OPRK1: variants seen among roughly 807,000 people sequenced by gnomAD.
The protein encoded by OPRK1 is kappa-type opioid receptor.
Under a neutral mutation model 24.5 loss-of-function variants are expected in OPRK1, and 15 were observed. That is an observed-to-expected ratio of 0.61 (90% CI 0.41 to 0.94). The LOEUF is 0.94. Among genes scored for constraint, OPRK1 ranks in the 40% least tolerant of loss-of-function variants. The pLI is 0.00. For missense variants in OPRK1, 479 were observed against 507.3 expected, an observed-to-expected ratio of 0.94 and a Z score of 0.54; for synonymous variants, 205 against 198.0, an observed-to-expected ratio of 1.04 and a Z score of -0.30.
intron 3 of OPRK1, among the ~76,000 whole-genome samples, chr8:53,233,647 T>C (rs920216341): frequency 6.6e-6 from 1 of 152,188 alleles, no homozygotes; most frequent in African/African-American, 2.4e-5. Context: ...CATTAATTTC[T>C]ATGAGGAACA....
In OPRK1 at chr8:53,249,677, T is replaced by A. The variant is rs548388667; in HGVS notation, c.257+1104A>T. ...AAAGCAGTATTTTATTATGATAATT[T>A]TCCAAGAGAAACATTTATGCTACCA... On this transcript the variant is annotated intron_variant, in intron 2 of 3. Coordinates refer to ENST00000265572, the MANE Select transcript of OPRK1 (RefSeq NM_000912.5). Among the ~76,000 whole-genome samples the A allele has an allele frequency of 2.2e-4, 33 of 152,340 alleles. No homozygotes were observed. In the South Asian group the frequency reaches 5.6e-3, roughly 26 times the overall value.
chr8:53,232,000 C>T (rs959626170), intron 3 of OPRK1, among the ~76,000 whole-genome samples: 1 of 152,110 alleles, frequency 6.6e-6, no homozygotes, highest in East Asian at 1.9e-4. Context: ...GGGAAACAAA[C>T]GTCCCACTAC....
chr8:53,248,030 G>T (rs970290909), intron 2 of OPRK1, among the ~76,000 whole-genome samples: 1 of 144,046 alleles, frequency 6.9e-6, no homozygotes, highest in Admixed American at 6.8e-5. Context: ...GAATCCTGAG[G>T]GTCACACCCA....
intron 2 of OPRK1, among the ~76,000 whole-genome samples, chr8:53,245,084 A>C (rs1807199475): frequency 6.6e-6 from 1 of 152,234 alleles, no homozygotes. Context: ...TTATGGAATA[A>C]TGACAAGAAA....
At position 53,250,730 on chromosome 8, in the gene OPRK1, C is replaced by T; in HGVS notation, c.257+51G>A. The T allele has an allele frequency of 1.3e-6, 2 of 1,526,098 alleles. 1 individual carries two copies. Among genetic ancestry groups the T allele is most frequent in the South Asian group, 2.6e-5 (2 of 77,984 alleles). 94.5% of individuals were successfully genotyped at this position (1,526,098 alleles called of 1,614,324 possible). The stretch of plus-strand genomic sequence containing the variant: ...GCTGCTCCAGTGGCGGGGCCTGACC[C>T]TCACTCCCTGCCCCGCCCAGCCCCC... On this transcript the variant is annotated intron_variant, in intron 2 of 3. Transcript: ENST00000265572.
Position 53,229,106 on chromosome 8 carries a change from AC to A in OPRK1, c.*190del. 1.6e-6 allele frequency: 1 copy of A among 611,664 alleles called. No homozygotes were observed. The highest frequency in any genetic ancestry group is 2.8e-6 in the Non-Finnish European group (1 of 362,096). The allele number at this position is 611,664 out of a possible 1,614,324, so 37.9% of individuals were successfully genotyped here. ...GAGAAGAGGTGCATGTGTTGCGTGG[AC>A]CTTTTGTCCTTGATGTTTCCACTGA... On this transcript the variant is annotated 3_prime_UTR_variant, in exon 4 of 4. Coordinates refer to ENST00000265572, the MANE Select transcript of OPRK1 (RefSeq NM_000912.5).
intron 2 of OPRK1, among the ~76,000 whole-genome samples, chr8:53,240,536 G>A (rs1807090169): frequency 6.6e-6 from 1 of 152,122 alleles, no homozygotes; most frequent in Non-Finnish European, 1.5e-5. Context: ...CAGGGAAAAT[G>A]CAGTCCTTCT....
At chr8:53,240,705 G>A (rs1807092907) in intron 2 of OPRK1, among the ~76,000 whole-genome samples, 1 of 151,864 alleles carries the variant, frequency 6.6e-6, no homozygotes, top group Non-Finnish European at 1.5e-5. Flanking sequence ...GGAGAGGGCT[G>A]GTCAAAGGAT....
At chr8:53,238,660 G>C (rs1180275088) in intron 2 of OPRK1, 1 of 985,432 alleles carries the variant, frequency 1.0e-6, no homozygotes, top group African/African-American at 1.7e-5. Flanking sequence ...AGAGAAACGA[G>C]GGTTGGCTTC....
rs1806676999 is a variant in OPRK1, at chr8:53,226,094, T to C, written c.*3203A>G. On this transcript the variant is annotated 3_prime_UTR_variant, in exon 4 of 4. Transcript: ENST00000265572. ...CAGGACTAGATGAAACACCTATAAATTGTCTGACAATAGTTATACACGTTT... is the reference window on the plus strand; with the variant it reads ...CAGGACTAGATGAAACACCTATAAACTGTCTGACAATAGTTATACACGTTT... 1 of 152,196 alleles carries C rather than the reference T, an allele frequency of 6.6e-6. No individual in the cohort carries two copies. The highest frequency in any genetic ancestry group is 1.5e-5 in the Non-Finnish European group (1 of 68,042). The allele number at this position is 152,196 out of a possible 1,614,324, so 9.4% of individuals were successfully genotyped here. A position where few individuals can be genotyped will look rare whatever the true frequency, so the allele number is the denominator to read the frequency against.
chr8:53,251,030 G>A lies in OPRK1; in HGVS notation c.8C>T (p.Ser3Phe). Residue 3 changes from serine to phenylalanine, a missense_variant, in exon 2 of 4, where the codon TCC (serine) becomes TTC (phenylalanine). Coordinates refer to ENST00000265572, the MANE Select transcript of OPRK1 (RefSeq NM_000912.5). Reference protein sequence around the residue: MDSPIQIFRGEPG... With the variant: MDFPIQIFRGEPG... Reference sequence around the variant, plus strand: ...CTCCCCGCGGAAGATCTGGATCGGGGAGTCCATGGTGGGGCGATTGCAGCA... The same window carrying A: ...CTCCCCGCGGAAGATCTGGATCGGGAAGTCCATGGTGGGGCGATTGCAGCA... 9 of 1,556,124 alleles carry A rather than the reference G, an allele frequency of 5.8e-6. No individual in the cohort carries two copies. The highest frequency in any genetic ancestry group is 7.8e-6 in the Non-Finnish European group (9 of 1,155,578).
rs79811234 is a variant in OPRK1, at chr8:53,249,480, G to C, written c.257+1301C>G. Reference sequence around the variant, plus strand: ...TACTCATCATGGATAGAATTCCTGCGAAATGCAATAGGCAATTATGAAAAC... The same window carrying C: ...TACTCATCATGGATAGAATTCCTGCCAAATGCAATAGGCAATTATGAAAAC... On this transcript the variant is annotated intron_variant, in intron 2 of 3. Transcript: ENST00000265572. Among the ~76,000 whole-genome samples the C allele has an allele frequency of 8.1e-3, 1,229 of 152,074 alleles. 25 individuals carry two copies. The highest frequency in any genetic ancestry group is 0.053 in the East Asian group (273 of 5,178).
chr8:53,238,771 G>A (rs972799399), intron 2 of OPRK1: 15 of 933,110 alleles, frequency 1.6e-5, no homozygotes, highest in Middle Eastern at 1.1e-3. Flanking sequence ...CTGGGAGGAC[G>A]TGACACTCAC....
chr8:53,237,663 C>T (rs1025097904), intron 2 of OPRK1, among the ~76,000 whole-genome samples: 1 of 152,296 alleles, frequency 6.6e-6, no homozygotes, highest in African/African-American at 2.4e-5. Context: ...ATAGGCATAG[C>T]AGAAATTTAA....
At chr8:53,242,841 G>A (rs1585636799) in intron 2 of OPRK1, 8 of 1,267,826 alleles carry the variant, frequency 6.3e-6, no homozygotes, top group South Asian at 1.3e-5. Context: ...TTCCCTGCCC[G>A]GCTTCACACC....
intron 2 of OPRK1, among the ~76,000 whole-genome samples, chr8:53,243,185 A>C (rs1432115425): frequency 6.6e-6 from 1 of 152,224 alleles, no homozygotes; most frequent in Non-Finnish European, 1.5e-5. Context: ...ACTGTCCTGC[A>C]GCCATACAAT....
intron 2 of OPRK1, among the ~76,000 whole-genome samples, chr8:53,243,184 C>A (rs1232135045): frequency 6.6e-6 from 1 of 152,208 alleles, no homozygotes. Context: ...AACTGTCCTG[C>A]AGCCATACAA....
At chr8:53,240,106 T>C (rs1179892293) in intron 2 of OPRK1, among the ~76,000 whole-genome samples, 3 of 152,148 alleles carry the variant, frequency 2.0e-5, no homozygotes, top group African/African-American at 4.8e-5. Context: ...AATACTGTAA[T>C]AATACATTAA....
At chr8:53,245,232 G>C (rs1351981999) in intron 2 of OPRK1, among the ~76,000 whole-genome samples, 1 of 152,156 alleles carries the variant, frequency 6.6e-6, no homozygotes, top group Non-Finnish European at 1.5e-5. Context: ...GCTTTAAAGA[G>C]ATAATTAAGG....
Sources: allele counts gnomAD v4.1 joint callset (sites outside exome capture counted in the v4.1 genomes callset), GRCh38; gene constraint gnomAD v4.1.1; transcripts MANE v1.5; gene names NCBI Gene and HGNC (gene_info 2026-07-23, HGNC 2026-07-21).